PLOD1: variants seen among roughly 807,000 people sequenced by gnomAD.
PLOD1 encodes lysine hydroxylase.
PLOD1 carries 70 observed loss-of-function variants against 94.7 expected under a neutral mutation model. The observed-to-expected ratio is 0.74, with a 90% CI of 0.61 to 0.90. The LOEUF (loss-of-function observed/expected upper bound fraction) is 0.90, where lower values mean the gene tolerates loss of function less well. Among genes scored for constraint, PLOD1 ranks in the 40% least tolerant of loss-of-function variants. The probability of loss-of-function intolerance (pLI) is 0.00; values close to 1 mark genes in which losing one functional copy is unlikely to be tolerated. For synonymous variants in PLOD1, 417 were observed against 400.2 expected (o/e 1.04, Z -0.50); for missense variants, 905 against 972.7 (o/e 0.93, Z 0.93).
At position 11,963,681 on chromosome 1, in the gene PLOD1, G is replaced by A. The variant is rs879184052; in HGVS notation, c.1202+45G>A. The A allele has an allele frequency of 3.9e-6, 5 of 1,291,876 alleles. No homozygotes were observed. The highest frequency in any genetic ancestry group is 5.5e-6 in the Non-Finnish European group (5 of 906,046). The allele number at this position is 1,291,876 out of a possible 1,614,324, so 80.0% of individuals were successfully genotyped here. A position where few individuals can be genotyped will look rare whatever the true frequency, so the allele number is the denominator to read the frequency against. ...ACCCAGCACTGCTCAGGACTGGCCT[G>A]GTCCTGGGGTGGCAGCCCTCCTTGC... is the stretch of plus-strand genomic sequence containing the variant. On this transcript the variant is annotated intron_variant, in intron 11 of 18. Coordinates refer to ENST00000196061, the MANE Select transcript of PLOD1 (RefSeq NM_000302.4). This position sits in a 1 kb window ranked among gnomAD's most constrained non-coding sequence, Gnocchi z 4.3.
intron 4 of PLOD1, 141 bp downstream of exon 4, chr1:11,950,661 T>G (rs372516179): frequency 5.1e-5 from 36 of 706,098 alleles, no homozygotes; most frequent in East Asian, 1.1e-4. Flanking sequence ...CTCCTGACTT[T>G]TCAACCCCAA....
At chr1:11,956,102 CAT>C (rs943014689) in intron 6 of PLOD1, among the ~76,000 whole-genome samples, 1 of 149,210 alleles carries the variant, frequency 6.7e-6, no homozygotes, top group African/African-American at 2.5e-5. Context: ...TAGGGTCAAA[CAT>C]GGGTATTGGG....
rs936090129 is a variant in PLOD1 at position 11,975,465 on chromosome 1, G to A, written c.*657G>A. ...TCCACACACCACACTGGGTCACCCT[G>A]TCCTGGATGCCTCTGAAGAGAGGGA... On this transcript the variant is annotated 3_prime_UTR_variant, in exon 19 of 19. Transcript: ENST00000196061. The A allele has an allele frequency of 4.3e-5, 7 of 162,188 alleles. No homozygotes were observed. The highest frequency in any genetic ancestry group is 2.8e-4 in the Admixed American group (5 of 17,758). 10.0% of individuals were successfully genotyped at this position (162,188 alleles called of 1,614,324 possible). A position where few individuals can be genotyped will look rare whatever the true frequency, so the allele number is the denominator to read the frequency against.
At position 11,958,692 on chromosome 1, in the gene PLOD1, A is replaced by AG; in HGVS notation, c.975+48dup. 2 of 1,612,238 alleles carry AG rather than the reference A, an allele frequency of 1.2e-6. No homozygotes were observed. Among genetic ancestry groups the AG allele is most frequent in the Non-Finnish European group, 1.7e-6 (2 of 1,179,158 alleles). On this transcript the variant is annotated intron_variant, in intron 9 of 18. Coordinates refer to ENST00000196061, the MANE Select transcript of PLOD1 (RefSeq NM_000302.4). The surrounding 1 kb of genome is among the most constrained non-coding windows in gnomAD (Gnocchi z 4.3). Reference sequence around the variant, plus strand: ...TGGGGTCGTCATGTGGCTTAGATCCAGGGCCCAGCTTCACAAGGTAGCCCG... The same window carrying AG: ...TGGGGTCGTCATGTGGCTTAGATCCAGGGGCCCAGCTTCACAAGGTAGCCCG...
At chr1:11,969,483 G>C (rs537096451) in intron 16 of PLOD1, among the ~76,000 whole-genome samples, 2 of 152,174 alleles carry the variant, frequency 1.3e-5, no homozygotes, top group Admixed American at 6.5e-5. Context: ...GGACTAGCCC[G>C]TGCATTCTGG....
rs3047221 is a variant in PLOD1, at chr1:11,972,209, CCTCTCT to C, written c.1903-648_1903-643del. 4,101 of 147,114 alleles carry C rather than the reference CCTCTCT, an allele frequency of 0.028. 144 individuals are homozygous for C. Among genetic ancestry groups the C allele is most frequent in the African/African-American group, 0.088 (3,372 of 38,320 alleles). The allele number at this position is 147,114 out of a possible 1,614,324, so 9.1% of individuals were successfully genotyped here. ...CCTTTCTTCCCTTCCTTCCTTCCTT[CCTCTCT>C]CTCTCTCTCTCTCTTTCTTTCTCTC... On this transcript the variant is annotated intron_variant, in intron 17 of 18. Transcript: ENST00000196061. The surrounding 1 kb of genome is among the most constrained non-coding windows in gnomAD (Gnocchi z 4.6).
Position 11,974,797 on chromosome 1 carries a change from G to A in PLOD1, c.2173G>A (p.Val725Ile), listed in dbSNP as rs151247380. 78 of 1,614,020 alleles carry A rather than the reference G, an allele frequency of 4.8e-5. No individual in the cohort carries two copies. The highest frequency in any genetic ancestry group is 1.6e-4 in the Middle Eastern group (1 of 6,084). The change falls in exon 19 of 19, where the codon GTC (valine) becomes ATC (isoleucine). Residue 725 changes from valine to isoleucine, a missense_variant. Physicochemically the swap from Val to Ile is conservative, Grantham distance 29 (BLOSUM62 3). Transcript: ENST00000196061. The part of the protein sequence containing the change: ...RGTRYIAVSF[V>I]DP ...CACCCGCTACATCGCAGTCTCCTTC[G>A]TCGATCCCTAATTGGCCAGGCCTGA...
rs1256901927 is a variant in PLOD1 at position 11,967,604 on chromosome 1, T to G, written c.1755+513T>G. ...TTTCATGTGTGTGTGTGTGTATATA[T>G]ATATATATATAAAAAGAAATATATA... is the stretch of plus-strand genomic sequence containing the variant. On this transcript the variant is annotated intron_variant, in intron 16 of 18. Coordinates refer to ENST00000196061, the MANE Select transcript of PLOD1 (RefSeq NM_000302.4). 1.6e-5 allele frequency among the ~76,000 whole-genome samples: 2 copies of G among 125,054 alleles called. 1 individual carries two copies. The highest frequency in any genetic ancestry group is 3.3e-5 in the Non-Finnish European group (2 of 60,338). The allele number at this position is 125,054 out of a possible 152,430, so 82.0% of individuals were successfully genotyped here.
chr1:11,957,936 G>A lies in PLOD1; in HGVS notation c.836G>A (p.Gly279Asp), dbSNP rs758414759. 2.5e-6 allele frequency: 4 copies of A among 1,608,492 alleles called. No individual in the cohort carries two copies. Among genetic ancestry groups the A allele is most frequent in the Non-Finnish European group, 3.4e-6 (4 of 1,175,012 alleles). Residue 279 changes from glycine (G) to aspartate (D), a missense_variant, in exon 8 of 19, where the codon GGC becomes GAC. By Grantham distance (94) the Gly-to-Asp change is moderately conservative. Coordinates refer to ENST00000196061, the MANE Select transcript of PLOD1 (RefSeq NM_000302.4). The surrounding 1 kb of genome is among the most constrained non-coding windows in gnomAD (Gnocchi z 4.1). ...VCDEGLRSLK[G>D]IGDEALPTVL... ...GACGAAGGCTTGCGCAGCCTCAAGG[G>A]CATTGGGGTGAGGCTGCGCCCAGGC... is the stretch of plus-strand genomic sequence containing the variant.
At chr1:11,955,869 A>C (rs1054690240) in intron 6 of PLOD1, among the ~76,000 whole-genome samples, 6 of 151,534 alleles carry the variant, frequency 4.0e-5, no homozygotes, top group Non-Finnish European at 8.8e-5. Flanking sequence ...CAGGTGATCC[A>C]CCTGCCTTGG....
rs1645801401 is a variant in PLOD1, at chr1:11,964,441, GAC to G, written c.1328+147_1328+148del. ...CCTGAAGCAAGGAAGACTTCAGTTA[GAC>G]ACACAGAAGGACTTCCTGACAAATA... is the stretch of plus-strand genomic sequence containing the variant. On this transcript the variant is annotated intron_variant, in intron 12 of 18. Coordinates refer to ENST00000196061, the MANE Select transcript of PLOD1 (RefSeq NM_000302.4). 5 of 1,019,112 alleles carry G rather than the reference GAC, an allele frequency of 4.9e-6. No homozygotes were observed. In the African/African-American group the frequency reaches 6.3e-5, roughly 13 times the overall value. 63.1% of individuals were successfully genotyped at this position (1,019,112 alleles called of 1,614,324 possible).
At chr1:11,943,775 T>A (rs971938148) in intron 1 of PLOD1, among the ~76,000 whole-genome samples, 2 of 152,200 alleles carry the variant, frequency 1.3e-5, no homozygotes, top group African/African-American at 4.8e-5. Flanking sequence ...CCACCGTCCC[T>A]GGCTGGGCAG....
In PLOD1 at chr1:11,958,620, A is replaced by G. The variant is rs746354303; in HGVS notation, c.948A>G (p.Lys316=). The change falls in exon 9 of 19, where the codon AAA becomes AAG. Residue 316 remains lysine (K), a synonymous_variant. Coordinates refer to ENST00000196061, the MANE Select transcript of PLOD1 (RefSeq NM_000302.4). This position sits in a 1 kb window ranked among gnomAD's most constrained non-coding sequence, Gnocchi z 4.3. ...QRLLRLHYPQ[K]HMRLFIHNHE... ...TCCTGCGGCTCCACTACCCCCAGAAACACATGCGACTTTTCATCCACAACC... is the reference window on the plus strand; with the variant it reads ...TCCTGCGGCTCCACTACCCCCAGAAGCACATGCGACTTTTCATCCACAACC... The G allele has an allele frequency of 6.8e-6, 11 of 1,614,056 alleles. No individual in the cohort carries two copies. Among genetic ancestry groups the G allele is most frequent in the Non-Finnish European group, 9.3e-6 (11 of 1,180,018 alleles).
At chr1:11,973,673 G>C (rs1214659454) in intron 18 of PLOD1, among the ~76,000 whole-genome samples, 1 of 151,322 alleles carries the variant, frequency 6.6e-6, no homozygotes, top group Non-Finnish European at 1.5e-5. Flanking sequence ...TCAACCTCCT[G>C]GGCCCAAGCA....
At position 11,957,943 on chromosome 1, in the gene PLOD1, G is replaced by A; in HGVS notation, c.843G>A (p.Gly281=). 3 of 1,600,512 alleles carry A rather than the reference G, an allele frequency of 1.9e-6. No homozygotes were observed. The highest frequency in any genetic ancestry group is 2.6e-6 in the Non-Finnish European group (3 of 1,167,710). The change falls in exon 8 of 19, where the codon GGG becomes GGA. Residue 281 remains glycine, a splice_region_variant and synonymous_variant. Transcript: ENST00000196061. This position sits in a 1 kb window ranked among gnomAD's most constrained non-coding sequence, Gnocchi z 4.1. ...GCTTGCGCAGCCTCAAGGGCATTGG[G>A]GTGAGGCTGCGCCCAGGCCTGTGCC... is the stretch of plus-strand genomic sequence containing the variant. ...DEGLRSLKGI[G]DEALPTVLVG... is the part of the protein sequence containing the mutation.
intron 1 of PLOD1, among the ~76,000 whole-genome samples, chr1:11,937,984 G>A (rs946104545): frequency 1.5e-5 from 2 of 136,442 alleles, no homozygotes; most frequent in East Asian, 2.1e-4. Context: ...ACAGAGTCTC[G>A]CTTTGTCGCC....
chr1:11,960,575 G>A lies in PLOD1; in HGVS notation c.976-71G>A, dbSNP rs1645770665. On this transcript the variant is annotated intron_variant, in intron 9 of 18. Coordinates refer to ENST00000196061, the MANE Select transcript of PLOD1 (RefSeq NM_000302.4). ...GCACAGCCTGGCAGTGACAGGAGGT[G>A]CTACAGTCCCTGGGTGGAAGCTGTG... 1.8e-6 allele frequency: 2 copies of A among 1,088,502 alleles called. 1 individual carries two copies. Among genetic ancestry groups the A allele is most frequent in the South Asian group, 2.5e-5 (2 of 80,348 alleles). The allele number at this position is 1,088,502 out of a possible 1,614,324, so 67.4% of individuals were successfully genotyped here.
chr1:11,964,702 C>T lies in PLOD1; in HGVS notation c.1387C>T (p.Arg463Trp), dbSNP rs745946511. Residue 463 changes from arginine to tryptophan, a missense_variant, in exon 13 of 19, where the codon CGG (arginine) becomes TGG (tryptophan). Coordinates refer to ENST00000196061, the MANE Select transcript of PLOD1 (RefSeq NM_000302.4). ...NIYLIKGSALRGELQSSDLFH... is the reference protein window; with the variant it reads ...NIYLIKGSALWGELQSSDLFH... ...CTACTTGATCAAGGGCAGTGCCCTG[C>T]GGGGTGAGCTGCAGTCCTCAGATCT... 4.5e-5 allele frequency: 73 copies of T among 1,613,038 alleles called. No individual in the cohort carries two copies. The highest frequency in any genetic ancestry group is 9.3e-5 in the African/African-American group (7 of 74,924).
intron 1 of PLOD1, among the ~76,000 whole-genome samples, chr1:11,945,193 G>A (rs72640301): frequency 0.084 from 12,834 of 152,140 alleles, 667 homozygotes; most frequent in African/African-American, 0.14. Flanking sequence ...GCCAAGGTGC[G>A]CAGATTGGTT....
Sources: gnomAD v4.1 joint callset for allele counts (sites outside exome capture counted in the v4.1 genomes callset) on GRCh38, gnomAD v4.1.1 for gene constraint, Gnocchi (gnomAD v3.1) non-coding constraint, MANE v1.5 for transcripts, NCBI Gene and HGNC (gene_info 2026-07-23, HGNC 2026-07-21) for gene names.